FAM217A: variants seen among roughly 807,000 people sequenced by gnomAD.
FAM217A encodes family with sequence similarity 217 member A.
Under a neutral mutation model 18.5 loss-of-function variants are expected in FAM217A, and 13 were observed. The ratio of observed to expected loss-of-function variants is 0.70; its 90% confidence interval spans 0.46 to 1.12. The LOEUF (loss-of-function observed/expected upper bound fraction) is 1.12, where lower values mean the gene tolerates loss of function less well. Among genes scored for constraint, FAM217A ranks in the 50% most tolerant of loss-of-function variants. The pLI, the probability that FAM217A is intolerant of heterozygous loss-of-function variation, is 0.00. For synonymous variants in FAM217A, 161 were observed against 202.8 expected (o/e 0.79, Z 1.75); for missense variants, 560 against 575.4 (o/e 0.97, Z 0.27).
upstream of FAM217A, among the ~76,000 whole-genome samples, chr6:4,082,328 AC>A (rs1770354537): frequency 6.6e-6 from 1 of 152,086 alleles, no homozygotes. Context: ...GGAAAACAGT[AC>A]CCCAAAATGA....
Position 4,069,364 on chromosome 6 carries a change from T to A in FAM217A, c.859A>T (p.Ile287Leu). The A allele has an allele frequency of 6.2e-7, 1 of 1,614,204 alleles. No individual in the cohort carries two copies. The highest frequency in any genetic ancestry group is 1.3e-5 in the African/African-American group (1 of 75,064). ...DPAETSVEHLITRLLELERLQ... is the reference protein window; with the variant it reads ...DPAETSVEHLLTRLLELERLQ... Reference sequence around the variant, plus strand: ...CGTTCTAGTTCCAGTAAACGAGTTATCAAGTGTTCAACAGAGGTTTCTGCA... The same window carrying A: ...CGTTCTAGTTCCAGTAAACGAGTTAACAAGTGTTCAACAGAGGTTTCTGCA... The change falls in exon 7 of 7, where the codon ATA becomes TTA. Residue 287 changes from isoleucine to leucine, a missense_variant. Coordinates refer to ENST00000274673, the MANE Select transcript of FAM217A (RefSeq NM_173563.3).
rs748987860 is a variant in FAM217A at position 4,068,690 on chromosome 6, AAAG to A, written c.*3_*5del. The A allele has an allele frequency of 9.5e-6, 15 of 1,584,774 alleles. No homozygotes were observed. In the South Asian group the frequency reaches 1.8e-4, roughly 19 times the overall value. ...TGTTCACATTGAGATGTATGAAAGA[AAAG>A]AGTTATTTTTGTTCAATGGGTGAGC... On this transcript the variant is annotated 3_prime_UTR_variant, in exon 7 of 7. Coordinates refer to ENST00000274673, the MANE Select transcript of FAM217A (RefSeq NM_173563.3).
intron 1 of FAM217A, among the ~76,000 whole-genome samples, chr6:4,085,311 AATATAT>A (rs10636236): frequency 1.4e-5 from 2 of 146,420 alleles, no homozygotes; most frequent in African/African-American, 5.0e-5. Context: ...TGTAAAAAAA[AATATAT>A]ATATATATAT....
chr6:4,083,653 G>A (rs1770453823), upstream of FAM217A, among the ~76,000 whole-genome samples: 1 of 151,740 alleles, frequency 6.6e-6, no homozygotes, highest in South Asian at 2.1e-4. Context: ...CCAGGTTCAA[G>A]TACTTCTCCT....
Position 4,077,407 on chromosome 6 carries a change from C to T in FAM217A, c.8G>A (p.Arg3Lys). 2 of 1,614,226 alleles carry T rather than the reference C, an allele frequency of 1.2e-6. No homozygotes were observed. Among genetic ancestry groups the T allele is most frequent in the East Asian group, 2.2e-5 (1 of 44,882 alleles). Residue 3 changes from arginine to lysine, a missense_variant, in exon 2 of 7, where the codon AGA becomes AAA. Transcript: ENST00000274673. MG[R>K]RNENCANSLR... ...GCTGTTAGCACAGTTCTCATTTCTT[C>T]TCCCCATTTTGTTGTAGCTGTTGCT... is the stretch of plus-strand genomic sequence containing the variant.
chr6:4,083,278 C>G (rs1458158332), upstream of FAM217A, among the ~76,000 whole-genome samples: 1 of 152,238 alleles, frequency 6.6e-6, no homozygotes, highest in African/African-American at 2.4e-5. Flanking sequence ...GGCGATGACA[C>G]TGACTACCAC....
At chr6:4,079,457 A>C, upstream of FAM217A, 1 of 381,080 alleles carries the variant, frequency 2.6e-6, no homozygotes, top group Non-Finnish European at 4.7e-6. Context: ...GCCTTCTCGG[A>C]CTTTCCCCCA....
chr6:4,068,926 T>C lies in FAM217A; in HGVS notation c.1297A>G (p.Thr433Ala). The C allele has an allele frequency of 1.2e-6, 2 of 1,614,186 alleles. No homozygotes were observed. Among genetic ancestry groups the C allele is most frequent in the Non-Finnish European group, 1.7e-6 (2 of 1,180,014 alleles). The change falls in exon 7 of 7, where the codon ACA (threonine) becomes GCA (alanine). Residue 433 changes from threonine to alanine, a missense_variant. Thr to Ala is a moderately conservative substitution (Grantham distance 58). Coordinates refer to ENST00000274673, the MANE Select transcript of FAM217A (RefSeq NM_173563.3). ...TNQSMVKMVS[T>A]RCLPWRSPMP... ...GGAGACCTCCATGGCAGACATCTTG[T>C]GGAGACCATTTTAACCATTGATTGA...
chr6:4,077,868 C>G (rs1769941657), intron 1 of FAM217A, among the ~76,000 whole-genome samples: 1 of 152,138 alleles, frequency 6.6e-6, no homozygotes, highest in Non-Finnish European at 1.5e-5. Context: ...CAGGCAAGCA[C>G]CCCGTGCATA....
rs144485598 is a variant in FAM217A at position 4,068,837 on chromosome 6, C to T, written c.1386G>A (p.Pro462=). ...TCTTTTTGGTCCCAAAGTTTCTCTT[C>T]GGTGCCTTAATTTCTTCCTTCTGAT... ...PENQKEEIKA[P]KRNFGTKKKL... The change falls in exon 7 of 7, where the codon CCG becomes CCA. Residue 462 remains proline, a synonymous_variant. Transcript: ENST00000274673. The T allele has an allele frequency of 6.6e-4, 1,065 of 1,614,112 alleles. 7 individuals are homozygous for T. In the African/African-American group the frequency reaches 0.011, roughly 17 times the overall value.
At chr6:4,075,641 A>G (rs946341273) in intron 2 of FAM217A, among the ~76,000 whole-genome samples, 41 of 152,216 alleles carry the variant, frequency 2.7e-4, no homozygotes, top group African/African-American at 8.9e-4. Context: ...TGAAGAGGTG[A>G]TTCGTTTATA....
rs1189597224 is a variant in FAM217A at position 4,069,800 on chromosome 6, A to G, written c.423T>C (p.Pro141=). 1 of 1,614,114 alleles carries G rather than the reference A, an allele frequency of 6.2e-7. No individual in the cohort carries two copies. Among genetic ancestry groups the G allele is most frequent in the Non-Finnish European group, 8.5e-7 (1 of 1,180,040 alleles). The part of the protein sequence containing the change: ...ASVDKQVGPY[P]GLPMPLGLCW... ...AGAGACCTAATGGCATTGGCAGTCC[A>G]GGGTAAGGACCAACTTGCTTATCAA... The change falls in exon 7 of 7, where the codon CCT becomes CCC. Residue 141 remains proline, a synonymous_variant. Coordinates refer to ENST00000274673, the MANE Select transcript of FAM217A (RefSeq NM_173563.3).
upstream of FAM217A, among the ~76,000 whole-genome samples, chr6:4,082,929 C>T (rs1367598335): frequency 6.6e-6 from 1 of 152,204 alleles, no homozygotes; most frequent in Non-Finnish European, 1.5e-5. Flanking sequence ...GGCCACCACG[C>T]CTGGCTAATT....
chr6:4,083,755 T>A (rs757708137), upstream of FAM217A, among the ~76,000 whole-genome samples: 3 of 152,128 alleles, frequency 2.0e-5, no homozygotes, highest in Non-Finnish European at 4.4e-5. Flanking sequence ...GGTTTCACCA[T>A]ATTGGTCAGG....
rs935369419 is a variant in FAM217A at position 4,069,427 on chromosome 6, G to A, written c.796C>T (p.Leu266Phe). ...FSALDLHNLA[L>F]SKSDNWKVTV... is the part of the protein sequence containing the mutation. Reference sequence around the variant, plus strand: ...ACTTTCCAATTGTCAGATTTGGAGAGGGCTAAATTGTGCAAGTCTAGAGCA... The same window carrying A: ...ACTTTCCAATTGTCAGATTTGGAGAAGGCTAAATTGTGCAAGTCTAGAGCA... Residue 266 changes from leucine to phenylalanine, a missense_variant, in exon 7 of 7, where the codon CTC becomes TTC. Transcript: ENST00000274673. 1.9e-6 allele frequency: 3 copies of A among 1,614,056 alleles called. No homozygotes were observed. The highest frequency in any genetic ancestry group is 1.7e-5 in the Admixed American group (1 of 60,004).
Position 4,068,641 on chromosome 6 carries a change from T to C in FAM217A, c.*55A>G, listed in dbSNP as rs955802474. On this transcript the variant is annotated 3_prime_UTR_variant, in exon 7 of 7. Transcript: ENST00000274673. ...TGTCTTGGAATAATTAACCATATCT[T>C]AGTTGGGCTTCTTAGAGTAGATGTG... 2.0e-6 allele frequency: 3 copies of C among 1,512,604 alleles called. No individual in the cohort carries two copies. The highest frequency in any genetic ancestry group is 1.4e-5 in the African/African-American group (1 of 71,590). The allele number at this position is 1,512,604 out of a possible 1,614,324, so 93.7% of individuals were successfully genotyped here.
intron 2 of FAM217A, 125 bp downstream of exon 2, chr6:4,077,228 AAC>A: frequency 1.2e-6 from 1 of 838,214 alleles, no homozygotes; most frequent in Non-Finnish European, 1.9e-6. Flanking sequence ...CCAAAAGGAA[AAC>A]ACAGGATAAA....
chr6:4,080,672 A>G (rs1770228420), upstream of FAM217A, among the ~76,000 whole-genome samples: 1 of 152,180 alleles, frequency 6.6e-6, no homozygotes, highest in African/African-American at 2.4e-5. Context: ...TTCTGCAGCC[A>G]TCCCTTAGGT....
In FAM217A at chr6:4,068,731, T is replaced by C; in HGVS notation, c.1492A>G (p.Lys498Glu). 6.2e-7 allele frequency: 1 copy of C among 1,611,888 alleles called. No individual in the cohort carries two copies. The highest frequency in any genetic ancestry group is 8.5e-7 in the Non-Finnish European group (1 of 1,179,368). The change falls in exon 7 of 7, where the codon AAG becomes GAG. Residue 498 changes from lysine (K) to glutamate (E), a missense_variant. Coordinates refer to ENST00000274673, the MANE Select transcript of FAM217A (RefSeq NM_173563.3). ...TCAATGGGTGAGCAGCACTTATCCT[T>C]AGCAATAAGGGAAGGCGACAAACAG... is the stretch of plus-strand genomic sequence containing the variant. Reference protein sequence around the residue: ...LNCLSPSLIAKDKCCSPIEQK With the variant: ...LNCLSPSLIAEDKCCSPIEQK
Sources: allele counts gnomAD v4.1 joint callset (sites outside exome capture counted in the v4.1 genomes callset), GRCh38; gene constraint gnomAD v4.1.1; transcripts MANE v1.5; gene names NCBI Gene and HGNC (gene_info 2026-07-23, HGNC 2026-07-21).